The following MACROD2 variants were observed in gnomAD, a reference collection of about 807,000 sequenced individuals.
MACROD2 encodes the protein mono-ADP ribosylhydrolase 2.
MACROD2 carries 36 observed loss-of-function variants against 70.4 expected under a neutral mutation model. The observed-to-expected ratio is 0.51, with a 90% confidence interval of 0.39 to 0.68. The LOEUF (loss-of-function observed/expected upper bound fraction) is 0.68, where lower values mean the gene tolerates loss of function less well. MACROD2 is among the 30% of genes least tolerant of loss of function. The pLI is 0.00. For synonymous variants in MACROD2, 172 were observed against 178.8 expected (o/e 0.96, Z 0.30); for missense variants, 496 against 538.4 (o/e 0.92, Z 0.78).
At chr20:15,020,260 T>C (rs2075154756) in intron 5 of MACROD2, among the ~76,000 whole-genome samples, 1 of 152,136 alleles carries the variant, frequency 6.6e-6, no homozygotes, top group South Asian at 2.1e-4. Flanking sequence ...GAAGGACTTA[T>C]CAAAATTTTT....
intron 4 of MACROD2, among the ~76,000 whole-genome samples, chr20:14,673,303 G>C (rs2070817543): frequency 6.6e-6 from 1 of 152,176 alleles, no homozygotes; most frequent in South Asian, 2.1e-4. Context: ...ACTTAACACA[G>C]GGCCCAATTG....
chr20:14,675,340 A>T (rs2070846614), intron 4 of MACROD2, among the ~76,000 whole-genome samples: 1 of 152,228 alleles, frequency 6.6e-6, no homozygotes, highest in African/African-American at 2.4e-5. Context: ...AGCCCATCAG[A>T]CTAACAGCAG....
intron 5 of MACROD2, among the ~76,000 whole-genome samples, chr20:14,856,586 A>G (rs536069544): frequency 6.6e-5 from 10 of 152,264 alleles, no homozygotes; most frequent in Admixed American, 2.6e-4. Flanking sequence ...TTGACAAGCT[A>G]TTTTCCCAAA....
chr20:15,567,469 T>C (rs575771876), intron 8 of MACROD2, among the ~76,000 whole-genome samples: 22 of 152,308 alleles, frequency 1.4e-4, no homozygotes, highest in Admixed American at 5.9e-4. Context: ...TAATAGAGAA[T>C]GCGAATACCT....
intron 5 of MACROD2, among the ~76,000 whole-genome samples, chr20:14,918,301 G>C (rs1400198260): frequency 2.0e-5 from 3 of 152,146 alleles, no homozygotes; most frequent in Non-Finnish European, 4.4e-5. Flanking sequence ...AGAAAGACTT[G>C]AGTGTGATCA....
chr20:15,020,889 A>G (rs2075161754), intron 5 of MACROD2, among the ~76,000 whole-genome samples: 1 of 151,162 alleles, frequency 6.6e-6, no homozygotes, highest in African/African-American at 2.4e-5. Flanking sequence ...TCTATCTGAC[A>G]CTCTGGAAAA....
At chr20:14,517,349 T>TG (rs2085112895) in intron 4 of MACROD2, among the ~76,000 whole-genome samples, 1 of 152,206 alleles carries the variant, frequency 6.6e-6, no homozygotes, top group Non-Finnish European at 1.5e-5. Flanking sequence ...CATGGAATAC[T>TG]GTGCAGCCAT....
chr20:14,465,539 G>A lies in MACROD2; in HGVS notation c.272-27940G>A, dbSNP rs143395905. Among the ~76,000 whole-genome samples, 12 of 152,060 alleles carry A rather than the reference G, an allele frequency of 7.9e-5. No individual in the cohort carries two copies. In the East Asian group the frequency reaches 2.3e-3, roughly 29 times the overall value. ...GAGTATTTAGCCCATTTATATTTAA[G>A]GTTAGTATTGTTATGTGTGAATTTG... On this transcript the variant is annotated intron_variant, in intron 3 of 17. Coordinates refer to ENST00000684519, the MANE Select transcript of MACROD2 (RefSeq NM_001351661.2).
chr20:14,423,791 TCGCTC>T (rs2083903881), intron 3 of MACROD2, among the ~76,000 whole-genome samples: 1 of 123,782 alleles, frequency 8.1e-6, no homozygotes, highest in African/African-American at 2.8e-5. Flanking sequence ...AGACGGAGTT[TCGCTC>T]TTTTCGCCCA....
intron 5 of MACROD2, among the ~76,000 whole-genome samples, chr20:14,699,920 T>C (rs917875801): frequency 6.7e-6 from 1 of 148,332 alleles, no homozygotes; most frequent in Non-Finnish European, 1.5e-5. Flanking sequence ...ATCTAGAAGT[T>C]TAAAGTTTAA....
At chr20:14,214,724 C>A (rs1020387256) in intron 3 of MACROD2, among the ~76,000 whole-genome samples, 113 of 151,282 alleles carry the variant, frequency 7.5e-4, no homozygotes, top group African/African-American at 2.7e-3. Flanking sequence ...TATACTGCAC[C>A]ATATTTGTAG....
intron 3 of MACROD2, among the ~76,000 whole-genome samples, chr20:14,233,014 A>C (rs1204699993): frequency 6.6e-6 from 1 of 152,210 alleles, no homozygotes; most frequent in Non-Finnish European, 1.5e-5. Flanking sequence ...GTCTCAGGGA[A>C]TAGGGAGGCT....
rs148357058 is a variant in MACROD2, at chr20:14,411,852, G to A, written c.272-81627G>A. Among the ~76,000 whole-genome samples, 1,171 of 152,212 alleles carry A rather than the reference G, an allele frequency of 7.7e-3. 6 individuals are homozygous for A. The highest frequency in any genetic ancestry group is 0.02 in the Middle Eastern group (6 of 294). ...AATAGCATCCCCTAGAGTTTATGCA[G>A]CTTGATAGCTCTCTGTTCTCAACCC... On this transcript the variant is annotated intron_variant, in intron 3 of 17. Coordinates refer to ENST00000684519, the MANE Select transcript of MACROD2 (RefSeq NM_001351661.2).
chr20:15,205,461 A>G (rs1212720611), intron 5 of MACROD2, among the ~76,000 whole-genome samples: 1 of 152,152 alleles, frequency 6.6e-6, no homozygotes. Flanking sequence ...TCCTAGAAGG[A>G]GCATCCATAC....
intron 5 of MACROD2, among the ~76,000 whole-genome samples, chr20:14,877,515 T>A (rs2073563939): frequency 6.6e-6 from 1 of 152,124 alleles, no homozygotes; most frequent in Admixed American, 6.5e-5. Context: ...AGAGAGGGCA[T>A]CCTTGTCTTG....
chr20:15,560,157 T>C (rs1453456721), intron 8 of MACROD2, among the ~76,000 whole-genome samples: 1 of 152,144 alleles, frequency 6.6e-6, no homozygotes, highest in Non-Finnish European at 1.5e-5. Flanking sequence ...TTTATGCCTG[T>C]TCGCCTATTT....
intron 5 of MACROD2, among the ~76,000 whole-genome samples, chr20:15,160,288 AT>A (rs1306387990): frequency 6.6e-6 from 1 of 152,056 alleles, no homozygotes. Context: ...TGTAAGAGAG[AT>A]TCTGGAACAA....
At chr20:15,572,824 G>A (rs937260049) in intron 8 of MACROD2, among the ~76,000 whole-genome samples, 1 of 152,090 alleles carries the variant, frequency 6.6e-6, no homozygotes, top group Non-Finnish European at 1.5e-5. Flanking sequence ...GACATGCAAA[G>A]CCTGAGAAAG....
At chr20:15,904,846 A>C (rs1474203235) in intron 10 of MACROD2, among the ~76,000 whole-genome samples, 1 of 147,732 alleles carries the variant, frequency 6.8e-6, no homozygotes, top group Non-Finnish European at 1.5e-5. Context: ...GCAGCACTGC[A>C]CTCCAGCCTG....
Sources: allele counts gnomAD v4.1 joint callset (sites outside exome capture counted in the v4.1 genomes callset), GRCh38; gene constraint gnomAD v4.1.1; transcripts MANE v1.5; gene names NCBI Gene and HGNC (gene_info 2026-07-23, HGNC 2026-07-21).